Variants in PRORP observed in about 807,000 individuals in gnomAD.
The protein encoded by PRORP is protein only RNase P catalytic subunit.
Under a neutral mutation model 59.4 loss-of-function variants are expected in PRORP, and 51 were observed. The ratio of observed to expected loss-of-function variants is 0.86; its 90% CI spans 0.69 to 1.08. PRORP has a LOEUF of 1.08. Ranked by LOEUF, PRORP falls within the 50% of genes least tolerant of loss-of-function variation. PRORP has a pLI of 0.00. For synonymous variants in PRORP, 231 were observed against 245.6 expected (o/e 0.94, Z 0.55); for missense variants, 646 against 690.3 (o/e 0.94, Z 0.72).
At chr14:35,244,665 G>C (rs1162911465) in intron 5 of PRORP, among the ~76,000 whole-genome samples, 1 of 152,084 alleles carries the variant, frequency 6.6e-6, no homozygotes, top group African/African-American at 2.4e-5. Context: ...CATGTGTAAA[G>C]ACTGTTTTAA....
chr14:35,123,013 T>G lies in PRORP; in HGVS notation c.-233T>G. ...CCTGCTCTGTCCCCTGGTTTGCGGC[T>G]TGCGACGTTGGACATCCCCGGATTG... On this transcript the variant is annotated 5_prime_UTR_variant, in exon 2 of 8. Transcript: ENST00000534898. 1 of 521,198 alleles carries G rather than the reference T, an allele frequency of 1.9e-6. No individual in the cohort carries two copies. The highest frequency in any genetic ancestry group is 3.4e-6 in the Non-Finnish European group (1 of 290,830). The allele number at this position is 521,198 out of a possible 1,614,324, so 32.3% of individuals were successfully genotyped here.
intron 5 of PRORP, among the ~76,000 whole-genome samples, chr14:35,194,592 T>G (rs573425464): frequency 6.6e-6 from 1 of 152,246 alleles, no homozygotes; most frequent in African/African-American, 2.4e-5. Context: ...AGATGACGGG[T>G]TGGTGGGTGC....
At chr14:35,190,765 A>C (rs947179703) in intron 5 of PRORP, among the ~76,000 whole-genome samples, 9 of 152,082 alleles carry the variant, frequency 5.9e-5, no homozygotes, top group Non-Finnish European at 8.8e-5. Context: ...GGCCTCCCTA[A>C]GTGCTGGGAT....
intron 5 of PRORP, among the ~76,000 whole-genome samples, chr14:35,260,783 G>A (rs1354065426): frequency 1.3e-5 from 2 of 152,204 alleles, no homozygotes; most frequent in Non-Finnish European, 2.9e-5. Flanking sequence ...TTTTTGAAGG[G>A]TATTTAACAG....
At chr14:35,142,134 C>T (rs1441340610) in intron 4 of PRORP, among the ~76,000 whole-genome samples, 2 of 144,250 alleles carry the variant, frequency 1.4e-5, no homozygotes, top group Non-Finnish European at 3.1e-5. Context: ...CCGCCTCGGC[C>T]TCCTAAAGTG....
At chr14:35,156,608 A>G (rs1203335590) in intron 4 of PRORP, among the ~76,000 whole-genome samples, 1 of 152,218 alleles carries the variant, frequency 6.6e-6, no homozygotes, top group African/African-American at 2.4e-5. Flanking sequence ...GCTGACTGAA[A>G]AACCACTAAT....
chr14:35,124,516 T>C (rs575869551), intron 2 of PRORP: 1 of 202,510 alleles, frequency 4.9e-6, no homozygotes, highest in Non-Finnish European at 9.8e-6. Context: ...CTTCTGATTA[T>C]ACTTTTTTCC....
rs1410724914 is a variant in PRORP at position 35,274,991 on chromosome 14, C to T, written c.*1425C>T. On this transcript the variant is annotated 3_prime_UTR_variant, in exon 8 of 8. Coordinates refer to ENST00000534898, the MANE Select transcript of PRORP (RefSeq NM_014672.4). ...CATGATAGTTCTTTCTTTACGTATA[C>T]ATACTGTATTCAATATGCAAGAACA... 6.6e-6 allele frequency: 1 copy of T among 152,012 alleles called. No individual in the cohort carries two copies. The highest frequency in any genetic ancestry group is 1.5e-5 in the Non-Finnish European group (1 of 68,014). The allele number at this position is 152,012 out of a possible 1,614,324, so 9.4% of individuals were successfully genotyped here.
At position 35,147,720 on chromosome 14, in the gene PRORP, G is replaced by T. The variant is rs193118231; in HGVS notation, c.1167+20109G>T. 2.5e-3 allele frequency among the ~76,000 whole-genome samples: 384 copies of T among 152,336 alleles called. 1 individual carries two copies. Among genetic ancestry groups the T allele is most frequent in the African/African-American group, 8.2e-3 (343 of 41,584 alleles). On this transcript the variant is annotated intron_variant, in intron 4 of 7. Coordinates refer to ENST00000534898, the MANE Select transcript of PRORP (RefSeq NM_014672.4). ...ATCACAAAATATTTTTCTGCAGCAT[G>T]CAGTGCTTTTTGAAAGCATTTTACC... is the stretch of plus-strand genomic sequence containing the variant.
In PRORP at chr14:35,274,489, A is replaced by G. The variant is rs1190758259; in HGVS notation, c.*923A>G. On this transcript the variant is annotated 3_prime_UTR_variant, in exon 8 of 8. Transcript: ENST00000534898. ...ATAGTAAGATCTCATTTCTACAAAA[A>G]ATTTAAAAATTAGCCAGGCATGGTA... 6.6e-6 allele frequency: 1 copy of G among 152,104 alleles called. No homozygotes were observed. Among genetic ancestry groups the G allele is most frequent in the African/African-American group, 2.4e-5 (1 of 41,416 alleles). 9.4% of individuals were successfully genotyped at this position (152,104 alleles called of 1,614,324 possible). A position where few individuals can be genotyped will look rare whatever the true frequency, so the allele number is the denominator to read the frequency against.
intron 4 of PRORP, among the ~76,000 whole-genome samples, chr14:35,160,082 G>A (rs892467785): frequency 6.6e-6 from 1 of 152,198 alleles, no homozygotes; most frequent in Non-Finnish European, 1.5e-5. Context: ...ATTACTGGTG[G>A]AATGACTCAT....
At chr14:35,180,989 G>A (rs2048591424) in intron 5 of PRORP, among the ~76,000 whole-genome samples, 1 of 152,092 alleles carries the variant, frequency 6.6e-6, no homozygotes, top group Non-Finnish European at 1.5e-5. Flanking sequence ...ACAATTAAAA[G>A]TGAGGAATTA....
chr14:35,166,034 T>G (rs1462520298), intron 4 of PRORP, among the ~76,000 whole-genome samples: 1 of 152,062 alleles, frequency 6.6e-6, no homozygotes, highest in African/African-American at 2.4e-5. Context: ...AAAAAAAAGA[T>G]TCTTCTTCTT....
chr14:35,175,349 A>G (rs2139013965), intron 4 of PRORP, among the ~76,000 whole-genome samples: 1 of 152,232 alleles, frequency 6.6e-6, no homozygotes, highest in South Asian at 2.1e-4. Context: ...ACTAGTTTAC[A>G]GTCCCACCAA....
chr14:35,147,519 A>T (rs1274437034), intron 4 of PRORP, among the ~76,000 whole-genome samples: 2 of 151,958 alleles, frequency 1.3e-5, no homozygotes, highest in Non-Finnish European at 2.9e-5. Flanking sequence ...ATTTTTTCTA[A>T]TTTTTTGTCG....
At chr14:35,147,499 T>C (rs2047640603) in intron 4 of PRORP, among the ~76,000 whole-genome samples, 1 of 152,148 alleles carries the variant, frequency 6.6e-6, no homozygotes, top group African/African-American at 2.4e-5. Flanking sequence ...CACATGACCA[T>C]GTCTAGCTAA....
chr14:35,228,344 A>G (rs1427716610), intron 5 of PRORP, among the ~76,000 whole-genome samples: 1 of 152,192 alleles, frequency 6.6e-6, no homozygotes, highest in Admixed American at 6.5e-5. Flanking sequence ...ACATGTACAG[A>G]TTTGTTACAC....
intron 4 of PRORP, among the ~76,000 whole-genome samples, chr14:35,155,440 G>T (rs2047888855): frequency 6.6e-6 from 1 of 151,358 alleles, no homozygotes; most frequent in Non-Finnish European, 1.5e-5. Context: ...GCTAACAAAG[G>T]GCCAGCTGTG....
intron 5 of PRORP, among the ~76,000 whole-genome samples, chr14:35,236,956 CTT>C (rs922703859): frequency 2.0e-5 from 3 of 150,696 alleles, no homozygotes; most frequent in African/African-American, 4.9e-5. Flanking sequence ...TTTCATTTTT[CTT>C]TTCTTTCTTT....
Sources: gnomAD v4.1 joint callset for allele counts (sites outside exome capture counted in the v4.1 genomes callset) on GRCh38, gnomAD v4.1.1 for gene constraint, MANE v1.5 for transcripts, NCBI Gene and HGNC (gene_info 2026-07-23, HGNC 2026-07-21) for gene names.